GPR35: variants seen among roughly 807,000 people sequenced by gnomAD.
GPR35 encodes the protein KYNA receptor.
For synonymous variants in GPR35, 207 were observed against 198.4 expected (o/e 1.04, Z -0.36); for missense variants, 372 against 422.5 (o/e 0.88, Z 1.05).
Position 240,631,001 on chromosome 2 carries a change from C to A in GPR35, c.*119C>A. The A allele has an allele frequency of 9.7e-6, 8 of 826,152 alleles. No individual in the cohort carries two copies. Among genetic ancestry groups the A allele is most frequent in the Non-Finnish European group, 1.6e-5 (8 of 515,736 alleles). The allele number at this position is 826,152 out of a possible 1,614,324, so 51.2% of individuals were successfully genotyped here. A position where few individuals can be genotyped will look rare whatever the true frequency, so the allele number is the denominator to read the frequency against. On this transcript the variant is annotated 3_prime_UTR_variant, in exon 2 of 2. Coordinates refer to ENST00000407714, the MANE Select transcript of GPR35 (RefSeq NM_005301.5). ...ATCAGCCCTGAACTCACTGTGTATT[C>A]TCTTGGAGCCTTGGGTGGGCAGGGA...
chr2:240,609,821 C>T (rs77797593), intron 2 of GPR35, among the ~76,000 whole-genome samples: 10 of 152,110 alleles, frequency 6.6e-5, no homozygotes, highest in South Asian at 2.1e-4. Flanking sequence ...TCATAATAAC[C>T]GATCACAATC....
chr2:240,623,726 G>A (rs924974894), upstream of GPR35, among the ~76,000 whole-genome samples: 4 of 152,020 alleles, frequency 2.6e-5, no homozygotes, highest in East Asian at 1.9e-4. Flanking sequence ...TGGGGACAGC[G>A]TTTCCTGTAC....
exon 2 of GPR35, chr2:240,606,476 C>T (rs921527916): frequency 2.6e-5 from 4 of 152,372 alleles, no homozygotes; most frequent in Admixed American, 6.5e-5. Context: ...TGCCCACTGT[C>T]CCTCCATCCT....
At chr2:240,619,770 G>A (rs2043272896) in intron 5 of GPR35, among the ~76,000 whole-genome samples, 1 of 152,252 alleles carries the variant, frequency 6.6e-6, no homozygotes, top group African/African-American at 2.4e-5. Flanking sequence ...CCCCAGAGTG[G>A]AGGACCTTCC....
chr2:240,612,088 A>G (rs1024639736), intron 2 of GPR35, among the ~76,000 whole-genome samples: 1 of 151,762 alleles, frequency 6.6e-6, no homozygotes, highest in African/African-American at 2.4e-5. Context: ...CTCAAAGATC[A>G]TCTTAAGTTC....
At chr2:240,620,897 G>T (rs1317291122), upstream of GPR35, among the ~76,000 whole-genome samples, 1 of 152,220 alleles carries the variant, frequency 6.6e-6, no homozygotes, top group African/African-American at 2.4e-5. Flanking sequence ...CAAAAGCAGG[G>T]CATCTAGGAC....
Position 240,631,103 on chromosome 2 carries a change from A to T in GPR35, c.*221A>T. 1.7e-6 allele frequency: 1 copy of T among 586,390 alleles called. No individual in the cohort carries two copies. The highest frequency in any genetic ancestry group is 2.3e-5 in the South Asian group (1 of 44,424). The allele number at this position is 586,390 out of a possible 1,614,324, so 36.3% of individuals were successfully genotyped here. A position where few individuals can be genotyped will look rare whatever the true frequency, so the allele number is the denominator to read the frequency against. ...AGAGGACTGAGGCCAGAGCAAGGCC[A>T]ATGTCAGAGACCCCCGGGATGGGGC... On this transcript the variant is annotated 3_prime_UTR_variant, in exon 2 of 2. Coordinates refer to ENST00000407714, the MANE Select transcript of GPR35 (RefSeq NM_005301.5).
chr2:240,631,878 C>G lies in GPR35; in HGVS notation c.*996C>G, dbSNP rs1439082214. The stretch of plus-strand genomic sequence containing the variant: ...TGCATGTCCACAGGCACCGCCCCAC[C>G]CTGTTCCATGTTCCACAGGACTGGA... On this transcript the variant is annotated 3_prime_UTR_variant, in exon 2 of 2. Transcript: ENST00000407714. 6.6e-6 allele frequency among the ~76,000 whole-genome samples: 1 copy of G among 152,254 alleles called. No individual in the cohort carries two copies. The highest frequency in any genetic ancestry group is 2.4e-5 in the African/African-American group (1 of 41,472).
chr2:240,627,974 C>T (rs1301796068), intron 1 of GPR35: 1 of 152,192 alleles, frequency 6.6e-6, no homozygotes, highest in East Asian at 1.9e-4. Context: ...TGCCTCTACT[C>T]AAGGTGGGGC....
chr2:240,628,337 T>G (rs888632233), intron 1 of GPR35: 1 of 152,138 alleles, frequency 6.6e-6, no homozygotes, highest in Non-Finnish European at 1.5e-5. Context: ...GGGTGAAGTG[T>G]TGCTCATGAA....
At chr2:240,625,190 C>T (rs982622914), upstream of GPR35, 136 of 855,574 alleles carry the variant, frequency 1.6e-4, no homozygotes, top group East Asian at 3.7e-4. Context: ...AGGAAGGCTC[C>T]GTGGGCGGGG....
At chr2:240,608,810 T>C (rs2043159030) in intron 2 of GPR35, among the ~76,000 whole-genome samples, 1 of 152,208 alleles carries the variant, frequency 6.6e-6, no homozygotes, top group African/African-American at 2.4e-5. Flanking sequence ...TTGGTATTAT[T>C]TTATTCTTAA....
At chr2:240,613,681 A>G (rs2043208576) in intron 2 of GPR35, among the ~76,000 whole-genome samples, 1 of 151,970 alleles carries the variant, frequency 6.6e-6, no homozygotes, top group Non-Finnish European at 1.5e-5. Context: ...CCCTAAACCT[A>G]ACCATAACAC....
chr2:240,606,993 C>T (rs2043141358), intron 2 of GPR35, among the ~76,000 whole-genome samples: 1 of 152,002 alleles, frequency 6.6e-6, no homozygotes, highest in African/African-American at 2.4e-5. Flanking sequence ...AAGGTGGTGT[C>T]CTGGGTTAGG....
rs779192596 is a variant in GPR35 at position 240,630,723 on chromosome 2, C to T, written c.771C>T (p.Ala257=). 6.2e-7 allele frequency: 1 copy of T among 1,613,562 alleles called. No individual in the cohort carries two copies. Among genetic ancestry groups the T allele is most frequent in the Non-Finnish European group, 8.5e-7 (1 of 1,180,038 alleles). Residue 257 remains alanine (A), a synonymous_variant, in exon 2 of 2, where the codon GCC becomes GCT. Transcript: ENST00000407714. ...ACALLETIRR[A]LYITSKLSDA... is the part of the protein sequence containing the mutation. Reference sequence around the variant, plus strand: ...CCCTCCTGGAGACGATCCGTCGCGCCCTGTACATAACCAGCAAGCTCTCAG... The same window carrying T: ...CCCTCCTGGAGACGATCCGTCGCGCTCTGTACATAACCAGCAAGCTCTCAG...
chr2:240,615,934 G>C (rs1437420887), intron 2 of GPR35, among the ~76,000 whole-genome samples: 1 of 152,218 alleles, frequency 6.6e-6, no homozygotes, highest in East Asian at 1.9e-4. Flanking sequence ...AATTGGATCT[G>C]AGGAGTCTGG....
intron 2 of GPR35, among the ~76,000 whole-genome samples, chr2:240,614,026 T>C (rs73005872): frequency 0.034 from 5,012 of 149,420 alleles, 94 homozygotes; most frequent in Middle Eastern, 0.15. Context: ...CTAAACCTAA[T>C]TAACAATGCC....
upstream of GPR35, among the ~76,000 whole-genome samples, chr2:240,623,462 TGCAAACAGGTCGTGAGGGC>T (rs1463936668): frequency 0.27 from 7,501 of 28,130 alleles, 1,258 homozygotes; most frequent in East Asian, 0.48. Flanking sequence ...GTCGTGAGGG[TGCAAACAGGTCGTGAGGGC>T]GCAAACAGGT....
At chr2:240,624,248 C>T (rs902409221), upstream of GPR35, among the ~76,000 whole-genome samples, 41 of 91,294 alleles carry the variant, frequency 4.5e-4, no homozygotes, top group Admixed American at 7.0e-4. Context: ...CAAATCTGAG[C>T]CTCCTGCCCG....
Sources: gnomAD v4.1 joint callset for allele counts (sites outside exome capture counted in the v4.1 genomes callset) on GRCh38, gnomAD v4.1.1 for gene constraint, MANE v1.5 for transcripts, NCBI Gene and HGNC (gene_info 2026-07-23, HGNC 2026-07-21) for gene names.